Variants in ZC3H12B observed in about 807,000 individuals in gnomAD.
ZC3H12B encodes probable ribonuclease ZC3H12B.
ZC3H12B carries 7 observed loss-of-function variants against 43.9 expected under a neutral mutation model. The ratio of observed to expected loss-of-function variants is 0.16; its 90% CI spans 0.09 to 0.30. The LOEUF (loss-of-function observed/expected upper bound fraction) is 0.30, where lower values mean the gene tolerates loss of function less well. Among genes scored for constraint, ZC3H12B ranks in the 10% least tolerant of loss-of-function variants. The pLI, the probability that ZC3H12B is intolerant of heterozygous loss-of-function variation, is 1.00. For missense variants in ZC3H12B, 475 were observed against 670.2 expected (o/e 0.71, Z 3.22); for synonymous variants, 222 against 241.7 (o/e 0.92, Z 0.76).
chrX:65,258,366 A>T, the ZC3H12B span, among the ~76,000 whole-genome samples: 1 of 112,011 alleles, frequency 8.9e-6, no homozygotes, highest in Non-Finnish European at 1.9e-5. Context: ...AAAATTCAAC[A>T]TTCCTTCATG....
At chrX:65,237,696 G>C in the ZC3H12B span, among the ~76,000 whole-genome samples, 3 of 110,739 alleles carry the variant, frequency 2.7e-5, no homozygotes. Flanking sequence ...ATTGGCTGTG[G>C]GTTTCTCATA....
the ZC3H12B span, among the ~76,000 whole-genome samples, chrX:65,224,322 A>C: frequency 8.0e-5 from 9 of 112,679 alleles, no homozygotes; most frequent in Non-Finnish European, 1.7e-4. Context: ...GGGATAAAAA[A>C]CTATGAGTTG....
At chrX:65,375,450 A>T (rs2066333148) in intron 2 of ZC3H12B, among the ~76,000 whole-genome samples, 1 of 112,343 alleles carries the variant, frequency 8.9e-6, no homozygotes, top group African/African-American at 3.2e-5. Context: ...ACCTGCTGAG[A>T]CACCAGCCAT....
intron 3 of ZC3H12B, among the ~76,000 whole-genome samples, chrX:65,400,694 A>C (rs757137329): frequency 1.8e-5 from 2 of 112,018 alleles, no homozygotes; most frequent in Non-Finnish European, 3.8e-5. Flanking sequence ...TGAAGTCCAC[A>C]GTCATTTTAT....
At chrX:65,059,351 T>C in the ZC3H12B span, among the ~76,000 whole-genome samples, 1 of 111,353 alleles carries the variant, frequency 9.0e-6, no homozygotes, top group Non-Finnish European at 1.9e-5. Flanking sequence ...GTTTTAAATT[T>C]TGAGGTCTTA....
chrX:65,338,672 A>G, the ZC3H12B span, among the ~76,000 whole-genome samples: 4 of 112,550 alleles, frequency 3.6e-5, no homozygotes, highest in Non-Finnish European at 7.5e-5. Flanking sequence ...TCCATGCTCA[A>G]GTAGGCTTTA....
At chrX:65,135,266 T>C in the ZC3H12B span, among the ~76,000 whole-genome samples, 1 of 111,360 alleles carries the variant, frequency 9.0e-6, no homozygotes, top group East Asian at 2.8e-4. Context: ...CAATGTTGTA[T>C]TTTTGCTTAA....
At chrX:65,458,412 C>A (rs1000346596) in intron 3 of ZC3H12B, among the ~76,000 whole-genome samples, 1 of 111,612 alleles carries the variant, frequency 9.0e-6, no homozygotes, top group Non-Finnish European at 1.9e-5. Flanking sequence ...ATACATTCTT[C>A]TCAGCACCAC....
the ZC3H12B span, among the ~76,000 whole-genome samples, chrX:65,326,386 T>C: frequency 7.2e-5 from 8 of 111,167 alleles, no homozygotes; most frequent in African/African-American, 9.8e-5. Context: ...TCATTACTGT[T>C]GAGTGAAATA....
At chrX:65,299,169 T>G in the ZC3H12B span, among the ~76,000 whole-genome samples, 1 of 112,195 alleles carries the variant, frequency 8.9e-6, no homozygotes, top group Non-Finnish European at 1.9e-5. Context: ...ATAGAAAGCA[T>G]GAAGTTCAGA....
the ZC3H12B span, among the ~76,000 whole-genome samples, chrX:65,152,184 C>A: frequency 9.0e-6 from 1 of 111,498 alleles, no homozygotes; most frequent in South Asian, 3.7e-4. Context: ...GACAGGGATG[C>A]CCTCTCTCAC....
the ZC3H12B span, among the ~76,000 whole-genome samples, chrX:65,172,366 C>T: frequency 9.0e-6 from 1 of 110,706 alleles, no homozygotes; most frequent in East Asian, 2.9e-4. Context: ...AAAATTTTTC[C>T]ATTCTATATG....
intron 2 of ZC3H12B, among the ~76,000 whole-genome samples, chrX:65,381,433 C>A: frequency 9.0e-6 from 1 of 111,428 alleles, no homozygotes; most frequent in East Asian, 2.8e-4. Context: ...ATACCAGATT[C>A]TCTGAGACAC....
At chrX:65,431,340 C>T (rs1182461594) in intron 3 of ZC3H12B, among the ~76,000 whole-genome samples, 1 of 112,272 alleles carries the variant, frequency 8.9e-6, no homozygotes, top group Non-Finnish European at 1.9e-5. Flanking sequence ...CAACTTGCCA[C>T]CAAGTAGATG....
chrX:65,372,700 C>A (rs2066264753), intron 2 of ZC3H12B, among the ~76,000 whole-genome samples: 1 of 111,542 alleles, frequency 9.0e-6, no homozygotes. Flanking sequence ...ATAAACCAAA[C>A]GATATTGAGA....
chrX:65,196,276 G>A, the ZC3H12B span, among the ~76,000 whole-genome samples: 2 of 110,066 alleles, frequency 1.8e-5, no homozygotes, highest in Non-Finnish European at 3.8e-5. Flanking sequence ...CCGCCCTCAT[G>A]AGGAAAGCTA....
chrX:65,480,628 C>G (rs934349639), intron 3 of ZC3H12B, among the ~76,000 whole-genome samples: 2 of 111,739 alleles, frequency 1.8e-5, no homozygotes, highest in African/African-American at 6.5e-5. Context: ...GGGCGGATCA[C>G]CTGAGGTCAG....
At chrX:65,327,315 A>T in the ZC3H12B span, among the ~76,000 whole-genome samples, 2 of 111,610 alleles carry the variant, frequency 1.8e-5, no homozygotes, top group Non-Finnish European at 3.8e-5. Flanking sequence ...ATATACATAC[A>T]GTGTAATACT....
the ZC3H12B span, among the ~76,000 whole-genome samples, chrX:65,189,044 G>C: frequency 1.0e-5 from 1 of 98,813 alleles, no homozygotes; most frequent in Admixed American, 1.1e-4. Flanking sequence ...AGAATATGCG[G>C]TGTTTGGTTT....
Sources: gnomAD v4.1 joint callset for allele counts (sites outside exome capture counted in the v4.1 genomes callset) on GRCh38, gnomAD v4.1.1 for gene constraint, MANE v1.5 for transcripts, NCBI Gene and HGNC (gene_info 2026-07-23, HGNC 2026-07-21) for gene names.